The following MLLT6 variants were observed in gnomAD, a reference collection of about 807,000 sequenced individuals.
The protein encoded by MLLT6 is MLLT6, PHD finger containing, also known as protein AF-17.
MLLT6 carries 22 observed loss-of-function variants against 103.0 expected under a neutral mutation model. The ratio of observed to expected loss-of-function variants is 0.21; its 90% CI spans 0.15 to 0.31. MLLT6 has a LOEUF of 0.31. Among genes scored for constraint, MLLT6 ranks in the 10% least tolerant of loss-of-function variants. The probability of loss-of-function intolerance (pLI) is 1.00; values close to 1 mark genes in which losing one functional copy is unlikely to be tolerated. For synonymous variants in MLLT6, 606 were observed against 623.5 expected (o/e 0.97, Z 0.42); for missense variants, 1,199 against 1,441.7 (o/e 0.83, Z 2.73).
Position 38,716,395 on chromosome 17 carries a change from C to T in MLLT6, c.1065C>T (p.Phe355=). 2 of 1,613,504 alleles carry T rather than the reference C, an allele frequency of 1.2e-6. No individual in the cohort carries two copies. Among genetic ancestry groups the T allele is most frequent in the Non-Finnish European group, 8.5e-7 (1 of 1,179,768 alleles). The change falls in exon 10 of 20, where the codon TTC becomes TTT. Residue 355 remains phenylalanine, a synonymous_variant. Transcript: ENST00000621332. This position sits in a 1 kb window ranked among gnomAD's most constrained non-coding sequence, Gnocchi z 5.6. ...AVSSLQSSPD[F]SAFPKLEQPE... is the part of the protein sequence containing the mutation. ...CGTCCCTGCAGAGCTCCCCTGACTT[C>T]TCTGCATTCCCCAAGCTGGAGCAGC...
At chr17:38,714,970 T>G (rs532381277) in intron 8 of MLLT6, among the ~76,000 whole-genome samples, 2 of 152,320 alleles carry the variant, frequency 1.3e-5, no homozygotes, top group South Asian at 2.1e-4. Flanking sequence ...CAGAATGTCT[T>G]GTTCCACCTG....
chr17:38,707,639 C>T (rs752972920), intron 3 of MLLT6, 99 bp downstream of exon 3: 114 of 1,370,362 alleles, frequency 8.3e-5, no homozygotes, highest in Non-Finnish European at 1.1e-4. Context: ...GTTTCCTTTC[C>T]CTGGCTGGCG....
chr17:38,720,999 A>T lies in MLLT6; in HGVS notation c.2442+252A>T. On this transcript the variant is annotated intron_variant, in intron 16 of 19. Coordinates refer to ENST00000621332, the MANE Select transcript of MLLT6 (RefSeq NM_005937.4). Reference sequence around the variant, plus strand: ...GATAGGCTACCCCAAGCAAAGAAGGAGTAATCACAAACTGGGAGATATGTT... The same window carrying T: ...GATAGGCTACCCCAAGCAAAGAAGGTGTAATCACAAACTGGGAGATATGTT... 5.2e-6 allele frequency: 3 copies of T among 574,174 alleles called. No homozygotes were observed. The South Asian group carries it at 6.2e-5, about 12-fold the overall frequency. 35.6% of individuals were successfully genotyped at this position (574,174 alleles called of 1,614,324 possible). A position where few individuals can be genotyped will look rare whatever the true frequency, so the allele number is the denominator to read the frequency against.
rs768041768 is a variant in MLLT6 at position 38,715,562 on chromosome 17, G to A, written c.820-50G>A. Reference sequence around the variant, plus strand: ...CTGCTTCACTCCCACATCAGGATCAGCACAGGCCCAGGCACCTGGTGTTGA... The same window carrying A: ...CTGCTTCACTCCCACATCAGGATCAACACAGGCCCAGGCACCTGGTGTTGA... On this transcript the variant is annotated intron_variant, in intron 8 of 19. Transcript: ENST00000621332. 3 of 1,561,248 alleles carry A rather than the reference G, an allele frequency of 1.9e-6. No homozygotes were observed. In the African/African-American group the frequency reaches 4.1e-5, roughly 21 times the overall value.
Position 38,720,494 on chromosome 17 carries a change from C to T in MLLT6, c.2278C>T (p.Pro760Ser). The T allele has an allele frequency of 6.2e-7, 1 of 1,612,684 alleles. No homozygotes were observed. Among genetic ancestry groups the T allele is most frequent in the Non-Finnish European group, 8.5e-7 (1 of 1,179,856 alleles). Residue 760 changes from proline (P) to serine (S), a missense_variant, in exon 15 of 20, where the codon CCC becomes TCC. This residue lies in a region of MLLT6 where 1,034 missense variants were observed against 1,091.5 expected (regional missense o/e 0.95). Coordinates refer to ENST00000621332, the MANE Select transcript of MLLT6 (RefSeq NM_005937.4). ...LQILNVQLSV[P>S]FPALPAALPA... ...GATTCTCAACGTGCAGCTCTCTGTG[C>T]CCTTCCCTGCCCTGCCTGCTGCCCT... is the stretch of plus-strand genomic sequence containing the variant.
At position 38,720,514 on chromosome 17, in the gene MLLT6, TGCCCTGCCTGCC is replaced by T. The variant is rs761548706; in HGVS notation, c.2302_2313del (p.Leu768_Ala771del). The T allele has an allele frequency of 1.8e-4, 291 of 1,612,152 alleles. 1 individual carries two copies. The highest frequency in any genetic ancestry group is 2.3e-4 in the Non-Finnish European group (273 of 1,179,648). On this transcript the variant is annotated inframe_deletion, in exon 15 of 20. Coordinates refer to ENST00000621332, the MANE Select transcript of MLLT6 (RefSeq NM_005937.4). ...CTGTGCCCTTCCCTGCCCTGCCTGCTGCCCTGCCTGCCGCCAACGGCCCTGTCCCTGGGCCCT... is the reference window on the plus strand; with the variant it reads ...CTGTGCCCTTCCCTGCCCTGCCTGCTGCCAACGGCCCTGTCCCTGGGCCCT...
In MLLT6 at chr17:38,706,937, T is replaced by C; in HGVS notation, c.110-13T>C. ...TGACAGCTTTGCTCAGCGACTGTCCTCCCCACCCTCAGCTTGCTATGGCAT... is the reference window on the plus strand; with the variant it reads ...TGACAGCTTTGCTCAGCGACTGTCCCCCCCACCCTCAGCTTGCTATGGCAT... On this transcript the variant is annotated splice_polypyrimidine_tract_variant and intron_variant, in intron 1 of 19. Coordinates refer to ENST00000621332, the MANE Select transcript of MLLT6 (RefSeq NM_005937.4). The C allele has an allele frequency of 1.2e-6, 2 of 1,601,726 alleles. No individual in the cohort carries two copies. The highest frequency in any genetic ancestry group is 1.3e-5 in the African/African-American group (1 of 74,710).
rs1329881598 is a variant in MLLT6, at chr17:38,717,531, G to C, written c.1751G>C (p.Gly584Ala). The C allele has an allele frequency of 1.2e-6, 2 of 1,613,228 alleles. No individual in the cohort carries two copies. Among genetic ancestry groups the C allele is most frequent in the Non-Finnish European group, 1.7e-6 (2 of 1,179,892 alleles). Residue 584 changes from glycine (G) to alanine (A), a missense_variant, in exon 11 of 20, where the codon GGG becomes GCG. By Grantham distance (60) the Gly-to-Ala change is moderately conservative. Transcript: ENST00000621332. ...TCCTCCAGCCTCCTGGGGCCCCCAG[G>C]GACCTCGGCCCTGCCCCGCCTCAGC... ...PLSSSLLGPPGTSALPRLSRS... is the reference protein window; with the variant it reads ...PLSSSLLGPPATSALPRLSRS...
chr17:38,715,555 A>T, intron 8 of MLLT6, 57 bp from the exon 9 acceptor site: 1 of 1,530,416 alleles, frequency 6.5e-7, no homozygotes. Context: ...CTCCCACATC[A>T]GGATCAGCAC....
intron 7 of MLLT6, among the ~76,000 whole-genome samples, chr17:38,712,368 C>A (rs927142716): frequency 6.6e-6 from 1 of 152,194 alleles, no homozygotes; most frequent in African/African-American, 2.4e-5. Context: ...CACAGCGTGC[C>A]CAGCTCCTGT....
intron 1 of MLLT6, 84 bp from the exon 2 acceptor site, chr17:38,706,866 T>G: frequency 8.4e-7 from 1 of 1,190,372 alleles, no homozygotes; most frequent in East Asian, 2.5e-5. Flanking sequence ...TCTAGTCCTT[T>G]GGAGTCACCG....
intron 13 of MLLT6, 73 bp from the exon 14 acceptor site, chr17:38,719,677 G>A (rs1178002557): frequency 6.4e-6 from 10 of 1,574,070 alleles, no homozygotes; most frequent in South Asian, 1.2e-5. Flanking sequence ...GGAACCCCTG[G>A]GGGATACGGG....
Position 38,705,747 on chromosome 17 carries a change from G to A in MLLT6, c.109+6G>A. 1 of 1,375,242 alleles carries A rather than the reference G, an allele frequency of 7.3e-7. No homozygotes were observed. Among genetic ancestry groups the A allele is most frequent in the Non-Finnish European group, 9.5e-7 (1 of 1,050,600 alleles). The allele number at this position is 1,375,242 out of a possible 1,614,324, so 85.2% of individuals were successfully genotyped here. ...CAGCGTGGCCGTCCACCAAGGTACG[G>A]GGGTGGCCCGCGGGGGGCGGCGGGA... On this transcript the variant is annotated splice_donor_region_variant and intron_variant, in intron 1 of 19. Transcript: ENST00000621332.
At position 38,709,647 on chromosome 17, in the gene MLLT6, G is replaced by A; in HGVS notation, c.552+72G>A. The A allele has an allele frequency of 8.2e-7, 1 of 1,217,092 alleles. No homozygotes were observed. The highest frequency in any genetic ancestry group is 1.2e-6 in the Non-Finnish European group (1 of 826,294). 75.4% of individuals were successfully genotyped at this position (1,217,092 alleles called of 1,614,324 possible). A position where few individuals can be genotyped will look rare whatever the true frequency, so the allele number is the denominator to read the frequency against. ...AGATGGTTAGAGGGCATGGGCTCTG[G>A]GCCAGGCCAGTGCCTGGTGCTAGGA... is the stretch of plus-strand genomic sequence containing the variant. On this transcript the variant is annotated intron_variant, in intron 6 of 19. Coordinates refer to ENST00000621332, the MANE Select transcript of MLLT6 (RefSeq NM_005937.4). This position sits in a 1 kb window ranked among gnomAD's most constrained non-coding sequence, Gnocchi z 4.3.
rs1906106532 is a variant in MLLT6, at chr17:38,727,587, A to AAGGTCAGGAG, written c.*1990_*1999dup. On this transcript the variant is annotated 3_prime_UTR_variant, in exon 20 of 20. Transcript: ENST00000621332. ...GGAGGCTGAGGCGGGCGGATCACTT[A>AAGGTCAGGAG]AGGTCAGGAGTTCAAGACCAGCCTG... 5.2e-6 allele frequency: 1 copy of AAGGTCAGGAG among 193,668 alleles called. No individual in the cohort carries two copies. The highest frequency in any genetic ancestry group is 1.1e-5 in the Non-Finnish European group (1 of 93,080). The allele number at this position is 193,668 out of a possible 1,614,324, so 12.0% of individuals were successfully genotyped here.
chr17:38,724,977 G>T lies in MLLT6; in HGVS notation c.3240+1G>T. On this transcript the variant is annotated splice_donor_variant, in intron 19 of 19. Transcript: ENST00000621332. LOFTEE classifies it high-confidence loss of function. This position sits in a 1 kb window ranked among gnomAD's most constrained non-coding sequence, Gnocchi z 5.4. ...CAGTGGCGGTGGCCCCAAAGGAGGG[G>T]TGAGTAAGGGGCCCGGGGCCTTCCT... is the stretch of plus-strand genomic sequence containing the variant. 1 of 1,524,116 alleles carries T rather than the reference G, an allele frequency of 6.6e-7. No individual in the cohort carries two copies. The highest frequency in any genetic ancestry group is 8.9e-7 in the Non-Finnish European group (1 of 1,129,164). The allele number at this position is 1,524,116 out of a possible 1,614,324, so 94.4% of individuals were successfully genotyped here. A position where few individuals can be genotyped will look rare whatever the true frequency, so the allele number is the denominator to read the frequency against.
chr17:38,707,930 A>G (rs891309413), intron 4 of MLLT6, 58 bp downstream of exon 4: 8 of 1,057,700 alleles, frequency 7.6e-6, no homozygotes, highest in Admixed American at 1.9e-5. Flanking sequence ...GGTTCCTCCA[A>G]CGCTCTCTTC....
chr17:38,720,755 C>A lies in MLLT6; in HGVS notation c.2442+8C>A. On this transcript the variant is annotated splice_region_variant and intron_variant, in intron 16 of 19. Coordinates refer to ENST00000621332, the MANE Select transcript of MLLT6 (RefSeq NM_005937.4). ...CTGTCCACTTCTTCTGAGGTGGGCG[C>A]TACGAGGAGTGGGGCAGGAAGGAGG... The A allele has an allele frequency of 6.2e-7, 1 of 1,612,682 alleles. No homozygotes were observed. Among genetic ancestry groups the A allele is most frequent in the Non-Finnish European group, 8.5e-7 (1 of 1,179,128 alleles).
chr17:38,724,513 T>C lies in MLLT6; in HGVS notation c.2884-107T>C. ...TTGACTGTCTCACAGGCCTCTTGCC[T>C]CCTGATTCCAGTGTGATGGGGTGGG... is the stretch of plus-strand genomic sequence containing the variant. On this transcript the variant is annotated intron_variant, in intron 18 of 19. Transcript: ENST00000621332. This position sits in a 1 kb window ranked among gnomAD's most constrained non-coding sequence, Gnocchi z 5.4. 1.2e-6 allele frequency: 1 copy of C among 805,122 alleles called. No individual in the cohort carries two copies. Among genetic ancestry groups the C allele is most frequent in the Non-Finnish European group, 2.0e-6 (1 of 510,030 alleles). The allele number at this position is 805,122 out of a possible 1,614,324, so 49.9% of individuals were successfully genotyped here.
Sources: gnomAD v4.1 joint callset for allele counts (sites outside exome capture counted in the v4.1 genomes callset) on GRCh38, gnomAD v4.1.1 for gene constraint, gnomAD v4.1.1 regional missense constraint, Gnocchi (gnomAD v3.1) non-coding constraint, MANE v1.5 for transcripts, NCBI Gene and HGNC (gene_info 2026-07-23, HGNC 2026-07-21) for gene names.